Variants in XRCC2 observed in about 807,000 individuals in gnomAD.
XRCC2 encodes the protein X-ray repair cross complementing 2, also known as DNA repair protein XRCC2.
XRCC2 carries 24 observed loss-of-function variants against 27.3 expected under a neutral mutation model. The ratio of observed to expected loss-of-function variants is 0.88; its 90% CI spans 0.64 to 1.24. XRCC2 has a LOEUF of 1.24. Among genes scored for constraint, XRCC2 ranks in the 50% most tolerant of loss-of-function variants. XRCC2 has a pLI of 0.00. For synonymous variants in XRCC2, 106 were observed against 115.4 expected, an observed-to-expected ratio of 0.92 and a Z score of 0.52; for missense variants, 321 against 325.8, an observed-to-expected ratio of 0.99 and a Z score of 0.11.
intron 1 of XRCC2, among the ~76,000 whole-genome samples, chr7:152,674,767 TA>T (rs376020759): frequency 1.1e-4 from 2 of 17,844 alleles, no homozygotes; most frequent in African/African-American, 2.1e-4. Flanking sequence ...ATATTATATA[TA>T]AATATATTTT....
At chr7:152,673,917 T>G (rs1264114648) in intron 1 of XRCC2, among the ~76,000 whole-genome samples, 1 of 152,104 alleles carries the variant, frequency 6.6e-6, no homozygotes, top group East Asian at 1.9e-4. Context: ...TTCAGTTTCT[T>G]GGGTTAGCTT....
Position 152,649,164 on chromosome 7 carries a change from T to G in XRCC2, c.321A>C (p.Ile107=). 1 of 1,613,742 alleles carries G rather than the reference T, an allele frequency of 6.2e-7. No homozygotes were observed. The highest frequency in any genetic ancestry group is 1.3e-5 in the African/African-American group (1 of 75,040). The change falls in exon 3 of 3, where the codon ATA becomes ATC. Residue 107 remains isoleucine, a synonymous_variant. Transcript: ENST00000359321. ...AAAATCTTCCCAGGCAGTATTTGAT[T>G]ATTTCTTCAGAGCTTTGGGATAGTC... ...EHRLSQSSEE[I]IKYCLGRFFL... is the part of the protein sequence containing the mutation.
intron 1 of XRCC2, among the ~76,000 whole-genome samples, chr7:152,667,898 G>T (rs1020781057): frequency 1.3e-5 from 2 of 151,728 alleles, no homozygotes; most frequent in African/African-American, 2.4e-5. Flanking sequence ...CATGGTGGTG[G>T]GCGCCTGTAA....
At chr7:152,664,057 ATATT>A (rs1291528956) in intron 1 of XRCC2, 5 of 152,202 alleles carry the variant, frequency 3.3e-5, no homozygotes, top group Admixed American at 2.6e-4. Context: ...CTGCTTGCCA[ATATT>A]CTATTGTCAC....
intron 1 of XRCC2, among the ~76,000 whole-genome samples, chr7:152,662,454 C>G (rs2098033524): frequency 6.8e-6 from 1 of 147,488 alleles, no homozygotes; most frequent in Admixed American, 6.8e-5. Context: ...ACAAGGGAGA[C>G]AAAACTGATT....
At chr7:152,667,673 G>T (rs577521169) in intron 1 of XRCC2, among the ~76,000 whole-genome samples, 2 of 152,032 alleles carry the variant, frequency 1.3e-5, no homozygotes, top group African/African-American at 2.4e-5. Flanking sequence ...ATAGGAAATA[G>T]ATTTAAATTT....
chr7:152,676,109 C>A lies in XRCC2; in HGVS notation c.-30G>T. 1.2e-6 allele frequency: 2 copies of A among 1,613,604 alleles called. No individual in the cohort carries two copies. The highest frequency in any genetic ancestry group is 2.2e-5 in the South Asian group (2 of 91,088). On this transcript the variant is annotated 5_prime_UTR_variant, in exon 1 of 3. Transcript: ENST00000359321. ...CCGAAGGCTCGGCGCAGGAGAGACT[C>A]AACTTTCCCGCCACCAACGCCATTC...
At chr7:152,661,013 A>T (rs1362990616) in intron 1 of XRCC2, among the ~76,000 whole-genome samples, 1 of 152,128 alleles carries the variant, frequency 6.6e-6, no homozygotes, top group Non-Finnish European at 1.5e-5. Context: ...AAAAATACAA[A>T]AATTATCTGG....
chr7:152,645,247 T>C lies in XRCC2; in HGVS notation c.*3395A>G, dbSNP rs780955142. On this transcript the variant is annotated 3_prime_UTR_variant, in exon 3 of 3. Transcript: ENST00000359321. ...TTTTTAGTTATGATTAAATATTATATATATTTAAAATTCCATTTTCTTTTT... is the reference window on the plus strand; with the variant it reads ...TTTTTAGTTATGATTAAATATTATACATATTTAAAATTCCATTTTCTTTTT... 3.3e-4 allele frequency: 50 copies of C among 151,726 alleles called. No individual in the cohort carries two copies. Among genetic ancestry groups the C allele is most frequent in the Admixed American group, 1.2e-3 (19 of 15,240 alleles). 9.4% of individuals were successfully genotyped at this position (151,726 alleles called of 1,614,324 possible).
Position 152,675,324 on chromosome 7 carries a change from T to G in XRCC2, c.39+717A>C, listed in dbSNP as rs1294766955. Among the ~76,000 whole-genome samples the G allele has an allele frequency of 2.0e-5, 3 of 152,176 alleles. No homozygotes were observed. In the East Asian group the frequency reaches 5.8e-4, roughly 29 times the overall value. Reference sequence around the variant, plus strand: ...GCATCTTCCATGATGCCCGCCCCTCTAATGGACAACAAACTTTTGTGCAAT... The same window carrying G: ...GCATCTTCCATGATGCCCGCCCCTCGAATGGACAACAAACTTTTGTGCAAT... On this transcript the variant is annotated intron_variant, in intron 1 of 2. Coordinates refer to ENST00000359321, the MANE Select transcript of XRCC2 (RefSeq NM_005431.2).
chr7:152,670,604 G>C (rs1236269015), intron 1 of XRCC2, among the ~76,000 whole-genome samples: 1 of 149,702 alleles, frequency 6.7e-6, no homozygotes, highest in Non-Finnish European at 1.5e-5. Flanking sequence ...TATTATATAG[G>C]CTTTTTTTTT....
intron 1 of XRCC2, among the ~76,000 whole-genome samples, chr7:152,675,217 C>T (rs1344956160): frequency 6.6e-6 from 1 of 152,050 alleles, no homozygotes; most frequent in Non-Finnish European, 1.5e-5. Context: ...TCCATGTACT[C>T]CCGACTGTCT....
At chr7:152,657,613 T>G (rs2098031244) in intron 2 of XRCC2, among the ~76,000 whole-genome samples, 1 of 152,154 alleles carries the variant, frequency 6.6e-6, no homozygotes, top group Non-Finnish European at 1.5e-5. Flanking sequence ...AAGTGATCAT[T>G]TTAATTACTT....
chr7:152,649,035 G>C lies in XRCC2; in HGVS notation c.450C>G (p.Ser150Arg), dbSNP rs371453207. ...GGTCTATCCAGTAAAAAGCTGACAG[G>C]CTATCCAAAATCAAAAGGCAGAGAG... Reference protein sequence around the residue: ...HPSLCLLILDSLSAFYWIDRV... With the variant: ...HPSLCLLILDRLSAFYWIDRV... The change falls in exon 3 of 3, where the codon AGC becomes AGG. Residue 150 changes from serine (S) to arginine (R), a missense_variant. By Grantham distance (110) the Ser-to-Arg change is moderately radical. Transcript: ENST00000359321. 221 of 1,614,126 alleles carry C rather than the reference G, an allele frequency of 1.4e-4. No individual in the cohort carries two copies. The highest frequency in any genetic ancestry group is 1.7e-4 in the Non-Finnish European group (203 of 1,180,026).
Position 152,676,101 on chromosome 7 carries a change from G to C in XRCC2, c.-22C>G. The C allele has an allele frequency of 6.2e-7, 1 of 1,613,656 alleles. No individual in the cohort carries two copies. Among genetic ancestry groups the C allele is most frequent in the Non-Finnish European group, 8.5e-7 (1 of 1,179,762 alleles). The stretch of plus-strand genomic sequence containing the variant: ...ACATCGCCCCGAAGGCTCGGCGCAG[G>C]AGAGACTCAACTTTCCCGCCACCAA... On this transcript the variant is annotated 5_prime_UTR_variant, in exon 1 of 3. Transcript: ENST00000359321.
chr7:152,650,526 G>A (rs573167557), intron 2 of XRCC2, among the ~76,000 whole-genome samples: 16 of 152,206 alleles, frequency 1.1e-4, no homozygotes, highest in South Asian at 4.1e-4. Context: ...ATTAATTTAC[G>A]GCTGAACTAC....
At position 152,649,038 on chromosome 7, in the gene XRCC2, A is replaced by C; in HGVS notation, c.447T>G (p.Asp149Glu). ...SHPSLCLLIL[D>E]SLSAFYWIDR... ...CTATCCAGTAAAAAGCTGACAGGCTATCCAAAATCAAAAGGCAGAGAGATG... is the reference window on the plus strand; with the variant it reads ...CTATCCAGTAAAAAGCTGACAGGCTCTCCAAAATCAAAAGGCAGAGAGATG... Residue 149 changes from aspartate to glutamate, a missense_variant, in exon 3 of 3, where the codon GAT becomes GAG. Transcript: ENST00000359321. 1 of 1,614,218 alleles carries C rather than the reference A, an allele frequency of 6.2e-7. No homozygotes were observed. Among genetic ancestry groups the C allele is most frequent in the Non-Finnish European group, 8.5e-7 (1 of 1,180,036 alleles).
intron 1 of XRCC2, among the ~76,000 whole-genome samples, chr7:152,669,908 C>T (rs754715293): frequency 1.8e-4 from 27 of 150,434 alleles, no homozygotes; most frequent in Non-Finnish European, 3.5e-4. Context: ...ATAGTGTAAC[C>T]TATTTAAACT....
chr7:152,659,129 A>G (rs2098032001), intron 2 of XRCC2, among the ~76,000 whole-genome samples: 1 of 150,908 alleles, frequency 6.6e-6, no homozygotes, highest in African/African-American at 2.4e-5. Context: ...CCTTGCTAAC[A>G]CTTGCTATTT....
Sources: gnomAD v4.1 joint callset for allele counts (sites outside exome capture counted in the v4.1 genomes callset) on GRCh38, gnomAD v4.1.1 for gene constraint, MANE v1.5 for transcripts, NCBI Gene and HGNC (gene_info 2026-07-23, HGNC 2026-07-21) for gene names.